Variants in DPH5 observed in about 807,000 individuals in gnomAD.
The protein encoded by DPH5 is diphthine methyl ester synthase.
In DPH5, 31 loss-of-function variants were observed where a neutral mutation model predicts 31.6. That is an observed-to-expected ratio of 0.98 (90% CI 0.74 to 1.32). The LOEUF (loss-of-function observed/expected upper bound fraction) is 1.32. Among genes scored for constraint, DPH5 ranks in the 40% most tolerant of loss-of-function variants. The pLI is 0.00. For missense variants in DPH5, 309 were observed against 335.7 expected, an observed-to-expected ratio of 0.92 and a Z score of 0.62; for synonymous variants, 120 against 115.0, an observed-to-expected ratio of 1.04 and a Z score of -0.28.
At chr1:101,012,136 G>A (rs1659742421) in intron 4 of DPH5, among the ~76,000 whole-genome samples, 1 of 151,996 alleles carries the variant, frequency 6.6e-6, no homozygotes, top group African/African-American at 2.4e-5. Flanking sequence ...TCTGACTTCA[G>A]GTGATCCACC....
intron 3 of DPH5, among the ~76,000 whole-genome samples, chr1:101,016,717 G>A (rs1660107977): frequency 6.6e-6 from 1 of 152,046 alleles, no homozygotes; most frequent in Non-Finnish European, 1.5e-5. Flanking sequence ...AAAGTGCTGG[G>A]ATTACAGGTG....
chr1:101,016,332 C>G (rs1182636846), intron 3 of DPH5, among the ~76,000 whole-genome samples: 1 of 151,942 alleles, frequency 6.6e-6, no homozygotes, highest in Non-Finnish European at 1.5e-5. Flanking sequence ...CCAGCCTGGG[C>G]AACAGAATGA....
chr1:101,021,817 AACACACACAC>A lies in DPH5; in HGVS notation c.136-62_136-53del, dbSNP rs67726104. The stretch of plus-strand genomic sequence containing the variant: ...TAAAGAGACAGCAGGTGACCATTCT[AACACACACAC>A]ACACACACACACACACACACACACA... On this transcript the variant is annotated intron_variant, in intron 2 of 7. Coordinates refer to ENST00000370109, the MANE Select transcript of DPH5 (RefSeq NM_015958.3). The A allele has an allele frequency of 5.4e-3, 3,949 of 736,442 alleles. 12 individuals carry two copies. Among genetic ancestry groups the A allele is most frequent in the South Asian group, 0.011 (432 of 38,256 alleles). The allele number at this position is 736,442 out of a possible 1,614,324, so 45.6% of individuals were successfully genotyped here. A position where few individuals can be genotyped will look rare whatever the true frequency, so the allele number is the denominator to read the frequency against.
At chr1:100,996,835 T>G (rs1658399496) in intron 5 of DPH5, among the ~76,000 whole-genome samples, 1 of 152,228 alleles carries the variant, frequency 6.6e-6, no homozygotes, top group Non-Finnish European at 1.5e-5. Context: ...CTCTGTGTTT[T>G]CCTGCCATGG....
At chr1:101,018,136 T>C (rs1243068408) in intron 3 of DPH5, among the ~76,000 whole-genome samples, 1 of 152,196 alleles carries the variant, frequency 6.6e-6, no homozygotes, top group Non-Finnish European at 1.5e-5. Context: ...CTTGAAATTG[T>C]TCTAAAGGCA....
At chr1:100,991,223 G>A (rs1051952469) in intron 7 of DPH5, among the ~76,000 whole-genome samples, 8 of 152,266 alleles carry the variant, frequency 5.3e-5, no homozygotes, top group African/African-American at 1.7e-4. Context: ...CACTATTTAT[G>A]TTTTTCAGTT....
intron 5 of DPH5, among the ~76,000 whole-genome samples, chr1:100,999,460 A>C (rs1658673586): frequency 6.6e-6 from 1 of 152,216 alleles, no homozygotes; most frequent in Non-Finnish European, 1.5e-5. Context: ...TTAAACAAAC[A>C]AACAAACAAA....
intron 5 of DPH5, among the ~76,000 whole-genome samples, chr1:100,999,725 G>C (rs1342792989): frequency 6.6e-6 from 1 of 151,788 alleles, no homozygotes; most frequent in African/African-American, 2.4e-5. Flanking sequence ...TGTAATCCCA[G>C]TTACTCGGAA....
At chr1:101,017,767 A>C (rs949080854) in intron 3 of DPH5, among the ~76,000 whole-genome samples, 9 of 152,264 alleles carry the variant, frequency 5.9e-5, no homozygotes, top group Non-Finnish European at 1.3e-4. Context: ...AATCACATAC[A>C]TAAAATAAAA....
chr1:101,023,858 AG>A (rs1660643776), intron 2 of DPH5, among the ~76,000 whole-genome samples: 1 of 152,250 alleles, frequency 6.6e-6, no homozygotes, highest in African/African-American at 2.4e-5. Flanking sequence ...CTAAAGTTAA[AG>A]GACTTGTCCA....
intron 6 of DPH5, among the ~76,000 whole-genome samples, chr1:100,993,549 C>G (rs1208913972): frequency 1.9e-5 from 1 of 52,916 alleles, no homozygotes; most frequent in African/African-American, 6.3e-5. Context: ...AAGACTCTGT[C>G]GAAAATATAA....
chr1:100,999,330 G>C (rs941326815), intron 5 of DPH5, among the ~76,000 whole-genome samples: 10 of 151,968 alleles, frequency 6.6e-5, no homozygotes, highest in African/African-American at 2.4e-4. Flanking sequence ...TATGCCTGTG[G>C]TTCCAGCTAC....
rs181597197 is a variant in DPH5, at chr1:101,005,434, G to T, written c.370-3847C>A. ...TTCTTGGGGATGGGTTTTGTTTGTT[G>T]TTGTTTTTATCCCCACATACAATTT... On this transcript the variant is annotated intron_variant, in intron 4 of 7. Coordinates refer to ENST00000370109, the MANE Select transcript of DPH5 (RefSeq NM_015958.3). Among the ~76,000 whole-genome samples the T allele has an allele frequency of 1.6e-3, 247 of 152,240 alleles. 1 individual carries two copies. Among genetic ancestry groups the T allele is most frequent in the Non-Finnish European group, 3.2e-3 (218 of 68,002 alleles).
chr1:100,996,515 G>C (rs1658363970), intron 5 of DPH5, among the ~76,000 whole-genome samples: 1 of 152,046 alleles, frequency 6.6e-6, no homozygotes. Context: ...ATTTCTACTT[G>C]CTAGAATGTA....
At chr1:100,994,303 G>A (rs1658129556) in intron 6 of DPH5, among the ~76,000 whole-genome samples, 1 of 152,058 alleles carries the variant, frequency 6.6e-6, no homozygotes, top group South Asian at 2.1e-4. Flanking sequence ...CAATAACAGA[G>A]TATCATTTTT....
At chr1:101,023,942 TC>T (rs1427222149) in intron 2 of DPH5, among the ~76,000 whole-genome samples, 4 of 152,244 alleles carry the variant, frequency 2.6e-5, no homozygotes, top group Admixed American at 1.3e-4. Flanking sequence ...GATATCTCAT[TC>T]TATCAAACTG....
intron 1 of DPH5, 57 bp from the exon 2 acceptor site, chr1:101,025,523 A>G: frequency 6.5e-7 from 1 of 1,549,640 alleles, no homozygotes; most frequent in Non-Finnish European, 8.8e-7. Context: ...TCTAAAATCT[A>G]GTGATGAACA....
At chr1:101,001,665 C>A in intron 4 of DPH5, 78 bp from the exon 5 acceptor site, 1 of 1,174,130 alleles carries the variant, frequency 8.5e-7, no homozygotes, top group Admixed American at 2.7e-5. Flanking sequence ...AATCATTTTA[C>A]AACCAAAATA....
chr1:101,017,556 A>T (rs1660165563), intron 3 of DPH5, among the ~76,000 whole-genome samples: 2 of 152,258 alleles, frequency 1.3e-5, no homozygotes, highest in Admixed American at 1.3e-4. Context: ...TTCATTTTAA[A>T]GGCCTTTTTC....
Sources: allele counts gnomAD v4.1 joint callset (sites outside exome capture counted in the v4.1 genomes callset), GRCh38; gene constraint gnomAD v4.1.1; transcripts MANE v1.5; gene names NCBI Gene and HGNC (gene_info 2026-07-23, HGNC 2026-07-21).